HTR1F: variants seen among roughly 807,000 people sequenced by gnomAD.
HTR1F encodes 5-hydroxytryptamine receptor 1F.
A neutral mutation model predicts 24.0 loss-of-function variants in HTR1F; 17 were observed. The ratio of observed to expected loss-of-function variants is 0.71; its 90% CI spans 0.48 to 1.06. The LOEUF is 1.06. Among genes scored for constraint, HTR1F ranks in the 50% least tolerant of loss-of-function variants. The probability of loss-of-function intolerance (pLI) is 0.00; values close to 1 mark genes in which losing one functional copy is unlikely to be tolerated. For missense variants in HTR1F, 391 were observed against 427.8 expected (o/e 0.91, Z 0.76); for synonymous variants, 186 against 156.8 (o/e 1.19, Z -1.39).
chr3:87,893,792 C>A (rs1449094321), intron 2 of HTR1F, among the ~76,000 whole-genome samples: 1 of 152,194 alleles, frequency 6.6e-6, no homozygotes, highest in Middle Eastern at 3.2e-3. Flanking sequence ...AAGCAAATAT[C>A]CATCTAAAAT....
At chr3:87,882,744 T>C (rs138915608) in intron 2 of HTR1F, among the ~76,000 whole-genome samples, 13,479 of 148,888 alleles carry the variant, frequency 0.091, 772 homozygotes, top group Non-Finnish European at 0.13. Context: ...CTGGGAGATA[T>C]ACCTAATGCT....
intron 2 of HTR1F, among the ~76,000 whole-genome samples, chr3:87,918,274 G>A (rs143087395): frequency 1.1e-3 from 173 of 151,980 alleles, no homozygotes; most frequent in African/African-American, 4.0e-3. Context: ...TACTGAAAGA[G>A]GAAAAAATGA....
chr3:87,839,607 T>C (rs1248402251), intron 2 of HTR1F, among the ~76,000 whole-genome samples: 1 of 152,136 alleles, frequency 6.6e-6, no homozygotes, highest in Non-Finnish European at 1.5e-5. Flanking sequence ...ATTTTTTGTT[T>C]GTTTTTTTTC....
intron 2 of HTR1F, among the ~76,000 whole-genome samples, chr3:87,898,731 T>C (rs796264871): frequency 2.6e-5 from 4 of 152,282 alleles, no homozygotes; most frequent in African/African-American, 9.6e-5. Context: ...TTAATGCTTT[T>C]GATTTACATA....
At chr3:87,899,083 T>C (rs911710713) in intron 2 of HTR1F, among the ~76,000 whole-genome samples, 5 of 152,224 alleles carry the variant, frequency 3.3e-5, no homozygotes, top group Admixed American at 6.5e-5. Context: ...CTAATTTTTA[T>C]CTTCTATGGC....
At chr3:87,811,933 G>A (rs2130347) in intron 1 of HTR1F, among the ~76,000 whole-genome samples, 20,204 of 152,080 alleles carry the variant, frequency 0.13, 4,169 homozygotes, top group African/African-American at 0.45. Flanking sequence ...GATGAGATCT[G>A]ATGGCTTTAT....
chr3:87,886,487 C>T (rs1559619178), intron 2 of HTR1F, among the ~76,000 whole-genome samples: 1 of 152,114 alleles, frequency 6.6e-6, no homozygotes, highest in African/African-American at 2.4e-5. Flanking sequence ...GAAGTTCTGG[C>T]CAGGGCAATC....
chr3:87,856,526 G>C (rs1705202876), intron 2 of HTR1F, among the ~76,000 whole-genome samples: 1 of 151,980 alleles, frequency 6.6e-6, no homozygotes, highest in African/African-American at 2.4e-5. Context: ...CCCATAAATA[G>C]CTTATACTTA....
chr3:87,942,751 T>A (rs1437918835), intron 2 of HTR1F, among the ~76,000 whole-genome samples: 15 of 151,434 alleles, frequency 9.9e-5, no homozygotes, highest in Admixed American at 3.3e-4. Flanking sequence ...TTTTTTTTTT[T>A]ATCCTGTTTG....
chr3:87,813,220 G>A (rs1441605225), intron 1 of HTR1F, among the ~76,000 whole-genome samples: 1 of 152,168 alleles, frequency 6.6e-6, no homozygotes. Flanking sequence ...GCTACCTAAG[G>A]CTGTGGAAGC....
At position 87,810,348 on chromosome 3, in the gene HTR1F, C is replaced by T. The variant is rs369308438; in HGVS notation, c.-159-11660C>T. 2.6e-5 allele frequency among the ~76,000 whole-genome samples: 4 copies of T among 152,190 alleles called. No homozygotes were observed. The East Asian group carries it at 7.7e-4, about 29-fold the overall frequency. On this transcript the variant is annotated intron_variant, in intron 1 of 2. Coordinates refer to ENST00000319595, the MANE Select transcript of HTR1F (RefSeq NM_001322209.2). ...ATTCCATTTGATGTTGCTGTCTTTA[C>T]TATAATAAACTTTAGCAGTGCCTAA... is the stretch of plus-strand genomic sequence containing the variant.
intron 1 of HTR1F, among the ~76,000 whole-genome samples, chr3:87,811,277 T>TAA (rs58596561): frequency 6.9e-6 from 1 of 145,448 alleles, no homozygotes; most frequent in African/African-American, 2.5e-5. Context: ...ATTCTATTGT[T>TAA]AAAAAAAAAA....
chr3:87,794,745 A>C (rs1374455420), intron 1 of HTR1F, among the ~76,000 whole-genome samples: 1 of 152,164 alleles, frequency 6.6e-6, no homozygotes, highest in African/African-American at 2.4e-5. Flanking sequence ...ATCTTGCCGC[A>C]TTAGCCAAAT....
chr3:87,917,987 C>T (rs1355285999), intron 2 of HTR1F, among the ~76,000 whole-genome samples: 1 of 151,896 alleles, frequency 6.6e-6, no homozygotes, highest in Non-Finnish European at 1.5e-5. Context: ...TACTGTCTAA[C>T]GAATCCAACA....
intron 2 of HTR1F, among the ~76,000 whole-genome samples, chr3:87,864,125 T>A (rs1705373188): frequency 6.6e-6 from 1 of 152,182 alleles, no homozygotes; most frequent in African/African-American, 2.4e-5. Flanking sequence ...ACTCATGTAT[T>A]CCAGAAAAAT....
At chr3:87,793,718 C>A (rs1258667484) in intron 1 of HTR1F, 1 of 152,034 alleles carries the variant, frequency 6.6e-6, no homozygotes, top group Admixed American at 6.6e-5. Context: ...AAGAGGTGGC[C>A]ACTGATGGGG....
intron 2 of HTR1F, among the ~76,000 whole-genome samples, chr3:87,904,021 A>C (rs1703596663): frequency 6.6e-6 from 1 of 152,146 alleles, no homozygotes; most frequent in Non-Finnish European, 1.5e-5. Flanking sequence ...AAAAGCTCTA[A>C]AACTAAAAAG....
rs753809603 is a variant in HTR1F, at chr3:87,947,929, A to G, written c.-42-42779A>G. On this transcript the variant is annotated intron_variant, in intron 2 of 2. Coordinates refer to ENST00000319595, the MANE Select transcript of HTR1F (RefSeq NM_001322209.2). ...AATTTGTCTTAATAGTGCAAAATCA[A>G]CATTTGAGTTTGTGAGGCTGAAATT... 4.9e-4 allele frequency among the ~76,000 whole-genome samples: 74 copies of G among 152,144 alleles called. 2 individuals are homozygous for G. The highest frequency in any genetic ancestry group is 2.8e-4 in the Non-Finnish European group (19 of 68,006).
chr3:87,907,245 G>T lies in HTR1F; in HGVS notation c.-42-83463G>T, dbSNP rs527350733. Among the ~76,000 whole-genome samples, 10 of 150,694 alleles carry T rather than the reference G, an allele frequency of 6.6e-5. 1 individual carries two copies. The highest frequency in any genetic ancestry group is 2.2e-4 in the African/African-American group (9 of 40,870). On this transcript the variant is annotated intron_variant, in intron 2 of 2. Coordinates refer to ENST00000319595, the MANE Select transcript of HTR1F (RefSeq NM_001322209.2). The stretch of plus-strand genomic sequence containing the variant: ...ATTCTTGCAAAAGTAAGGTGGTATT[G>T]CATTGTGGTTTTGATTTGTATTTCC...
Sources: gnomAD v4.1 joint callset for allele counts (sites outside exome capture counted in the v4.1 genomes callset) on GRCh38, gnomAD v4.1.1 for gene constraint, MANE v1.5 for transcripts, NCBI Gene and HGNC (gene_info 2026-07-23, HGNC 2026-07-21) for gene names.